Variants in IPO9 observed in about 807,000 individuals in gnomAD.
IPO9 encodes the protein importin 9.
Under a neutral mutation model 128.6 loss-of-function variants are expected in IPO9, and 28 were observed. That is an observed-to-expected ratio of 0.22 (90% CI 0.16 to 0.30). IPO9 has a LOEUF of 0.30. IPO9 is among the 10% of genes least tolerant of loss of function. The pLI is 1.00. For missense variants in IPO9, 935 were observed against 1,293.9 expected (o/e 0.72, Z 4.26); for synonymous variants, 455 against 475.8 (o/e 0.96, Z 0.57).
chr1:201,842,319 G>A (rs936742217), intron 1 of IPO9, among the ~76,000 whole-genome samples: 2 of 152,178 alleles, frequency 1.3e-5, no homozygotes, highest in Non-Finnish European at 2.9e-5. Flanking sequence ...AGGTCTGGAA[G>A]GGTGGAATGC....
rs150453528 is a variant in IPO9 at position 201,875,159 on chromosome 1, T to G, written c.2946T>G (p.Asp982Glu). 8 of 1,613,920 alleles carry G rather than the reference T, an allele frequency of 5.0e-6. No homozygotes were observed. Among genetic ancestry groups the G allele is most frequent in the Admixed American group, 1.7e-5 (1 of 59,988 alleles). ...GTTGGCTATGTCTAACAGAGGAGGA[T>G]TACTACGAGGATGATGAGGAAGATG... The part of the protein sequence containing the change: ...DILATSKYEE[D>E]YYEDDEEDDP... The change falls in exon 23 of 24, where the codon GAT becomes GAG. Residue 982 changes from aspartate to glutamate, a missense_variant. Asp to Glu is a conservative substitution (Grantham distance 45). Coordinates refer to ENST00000361565, the MANE Select transcript of IPO9 (RefSeq NM_018085.5).
intron 1 of IPO9, among the ~76,000 whole-genome samples, chr1:201,846,215 G>A (rs892606919): frequency 3.3e-5 from 5 of 152,142 alleles, no homozygotes; most frequent in African/African-American, 4.8e-5. Context: ...TTGCTTATTG[G>A]AAACTACTCA....
In IPO9 at chr1:201,882,451, A is replaced by C. The variant is rs911570760; in HGVS notation, c.*6397A>C. 4 of 148,330 alleles carry C rather than the reference A, an allele frequency of 2.7e-5. No homozygotes were observed. The highest frequency in any genetic ancestry group is 1.9e-4 in the East Asian group (1 of 5,174). The allele number at this position is 148,330 out of a possible 1,614,324, so 9.2% of individuals were successfully genotyped here. A position where few individuals can be genotyped will look rare whatever the true frequency, so the allele number is the denominator to read the frequency against. On this transcript the variant is annotated 3_prime_UTR_variant, in exon 24 of 24. Coordinates refer to ENST00000361565, the MANE Select transcript of IPO9 (RefSeq NM_018085.5). ...TGCCTCAAAAAAAAAAAAAAACAAAAAAAAAAACAAGTTTTGTGAATTTAA... is the reference window on the plus strand; with the variant it reads ...TGCCTCAAAAAAAAAAAAAAACAAACAAAAAAACAAGTTTTGTGAATTTAA...
At chr1:201,836,201 T>A (rs1679919971) in intron 1 of IPO9, among the ~76,000 whole-genome samples, 1 of 151,762 alleles carries the variant, frequency 6.6e-6, no homozygotes. Context: ...ACTTTTTTTT[T>A]AACAAATATA....
chr1:201,876,134 T>C lies in IPO9; in HGVS notation c.*80T>C. 2 of 949,688 alleles carry C rather than the reference T, an allele frequency of 2.1e-6. No individual in the cohort carries two copies. The highest frequency in any genetic ancestry group is 3.5e-6 in the Non-Finnish European group (2 of 572,950). 58.8% of individuals were successfully genotyped at this position (949,688 alleles called of 1,614,324 possible). ...AGCCCTCACTGGCCTTGAGATGCAC[T>C]TTCTTCTCAACCTAAAGTGGCATCT... On this transcript the variant is annotated 3_prime_UTR_variant, in exon 24 of 24. Transcript: ENST00000361565.
At chr1:201,829,925 GC>G (rs1571533697) in intron 1 of IPO9, among the ~76,000 whole-genome samples, 1 of 152,176 alleles carries the variant, frequency 6.6e-6, no homozygotes, top group East Asian at 1.9e-4. Context: ...AAATGCATAT[GC>G]GATTGCTTCA....
At chr1:201,848,152 A>G (rs1680153436) in intron 3 of IPO9, among the ~76,000 whole-genome samples, 1 of 152,240 alleles carries the variant, frequency 6.6e-6, no homozygotes, top group African/African-American at 2.4e-5. Flanking sequence ...GAGGAACTGA[A>G]TTTTAAATTT....
At chr1:201,846,964 A>G (rs1217499980) in intron 1 of IPO9, among the ~76,000 whole-genome samples, 1 of 152,158 alleles carries the variant, frequency 6.6e-6, no homozygotes, top group Non-Finnish European at 1.5e-5. Context: ...CCACCACGCC[A>G]GGCTCCATGT....
At chr1:201,856,373 A>G (rs189376179) in intron 10 of IPO9, among the ~76,000 whole-genome samples, 35 of 152,324 alleles carry the variant, frequency 2.3e-4, no homozygotes, top group Non-Finnish European at 1.2e-4. Context: ...TCAGACCATT[A>G]GCCTGATGGT....
intron 2 of IPO9, 81 bp from the exon 3 acceptor site, chr1:201,847,471 A>T (rs951055333): frequency 1.5e-6 from 2 of 1,353,912 alleles, no homozygotes; most frequent in African/African-American, 1.5e-5. Flanking sequence ...TATACTTCAG[A>T]TGTATCAGGC....
chr1:201,866,367 A>G (rs1001885498), intron 14 of IPO9, among the ~76,000 whole-genome samples: 1 of 152,152 alleles, frequency 6.6e-6, no homozygotes, highest in East Asian at 1.9e-4. Context: ...TTGATTGAAA[A>G]GAGGCTAATA....
Position 201,831,106 on chromosome 1 carries a change from G to A in IPO9, c.163+1734G>A, listed in dbSNP as rs368335189. On this transcript the variant is annotated intron_variant, in intron 1 of 23. Transcript: ENST00000361565. ...CAGCCTCAAACTTTTGGACTCAAGC[G>A]ATCCTCCCACCTAGGCCTCCCAAAG... Among the ~76,000 whole-genome samples the A allele has an allele frequency of 3.3e-4, 50 of 152,162 alleles. No individual in the cohort carries two copies. The South Asian group carries it at 8.3e-3, about 25-fold the overall frequency.
chr1:201,857,321 G>C (rs1680347753), intron 11 of IPO9, 127 bp downstream of exon 11: 1 of 638,630 alleles, frequency 1.6e-6, no homozygotes, highest in Admixed American at 2.6e-5. Context: ...CTTTATTGGG[G>C]ATGCAAGAGA....
intron 14 of IPO9, among the ~76,000 whole-genome samples, chr1:201,864,502 G>A (rs146749066): frequency 1.0e-3 from 152 of 152,238 alleles, no homozygotes; most frequent in African/African-American, 3.4e-3. Flanking sequence ...TATTTTAAGG[G>A]TTTTTCTGAG....
intron 1 of IPO9, among the ~76,000 whole-genome samples, chr1:201,830,842 C>G (rs1300166002): frequency 6.6e-6 from 1 of 152,170 alleles, no homozygotes; most frequent in East Asian, 1.9e-4. Context: ...TGTCTGGCAC[C>G]TTTGTATGAA....
At chr1:201,854,784 A>G (rs758192611) in intron 7 of IPO9, 39 bp from the exon 8 acceptor site, 1 of 1,605,176 alleles carries the variant, frequency 6.2e-7, no homozygotes, top group South Asian at 1.1e-5. Context: ...TTTCTTATAT[A>G]TCACTCATAA....
chr1:201,830,886 C>T (rs1258032575), intron 1 of IPO9, among the ~76,000 whole-genome samples: 1 of 152,336 alleles, frequency 6.6e-6, no homozygotes, highest in South Asian at 2.1e-4. Context: ...AACTGTCTTA[C>T]AACAACTCCA....
At chr1:201,869,038 G>A (rs917180429) in intron 16 of IPO9, among the ~76,000 whole-genome samples, 2 of 152,134 alleles carry the variant, frequency 1.3e-5, no homozygotes, top group Non-Finnish European at 2.9e-5. Context: ...GGATCACAAG[G>A]TCAGGAGTTC....
At chr1:201,860,803 C>G (rs1383879919) in intron 13 of IPO9, among the ~76,000 whole-genome samples, 1 of 152,104 alleles carries the variant, frequency 6.6e-6, no homozygotes, top group Non-Finnish European at 1.5e-5. Context: ...AACATGTTTT[C>G]CCCTGGCTGT....
Sources: gnomAD v4.1 joint callset for allele counts (sites outside exome capture counted in the v4.1 genomes callset) on GRCh38, gnomAD v4.1.1 for gene constraint, MANE v1.5 for transcripts, NCBI Gene and HGNC (gene_info 2026-07-23, HGNC 2026-07-21) for gene names.